ABCC4: variants seen among roughly 807,000 people sequenced by gnomAD.
ABCC4 encodes the protein ATP binding cassette subfamily C member 4 (PEL blood group), also known as ATP-binding cassette sub-family C member 4.
Under a neutral mutation model 168.5 loss-of-function variants are expected in ABCC4, and 102 were observed. The observed-to-expected ratio is 0.61, with a 90% confidence interval of 0.52 to 0.71. ABCC4 has a LOEUF of 0.71. ABCC4 is among the 30% of genes least tolerant of loss of function. ABCC4 has a pLI of 0.00. For missense variants in ABCC4, 1,402 were observed against 1,605.8 expected (o/e 0.87, Z 2.17); for synonymous variants, 617 against 590.7 (o/e 1.04, Z -0.65).
intron 1 of ABCC4, among the ~76,000 whole-genome samples, chr13:95,294,572 T>G (rs4773875): frequency 0.9 from 136,464 of 152,200 alleles, 61,662 homozygotes; most frequent in African/African-American, 0.98. Context: ...TGTGTTCCAG[T>G]CGTGGAAGCG....
chr13:95,161,318 C>CCAATAGA lies in ABCC4; in HGVS notation c.2325_2326insTCTATTG (p.Val776SerfsTer19). ...AGAGATCTTGCTATGCCAAAAAGAA[C>CCAATAGA]GGTAGCTACAGTTAAACCTGAAATA... On this transcript the variant is annotated frameshift_variant, in exon 19 of 31. Coordinates refer to ENST00000645237, the MANE Select transcript of ABCC4 (RefSeq NM_005845.5). LOFTEE classifies it high-confidence loss of function. 1 of 1,588,326 alleles carries CCAATAGA rather than the reference C, an allele frequency of 6.3e-7. No individual in the cohort carries two copies. The highest frequency in any genetic ancestry group is 8.5e-7 in the Non-Finnish European group (1 of 1,171,664).
chr13:95,263,030 G>T (rs945296585), intron 1 of ABCC4, among the ~76,000 whole-genome samples: 1 of 152,072 alleles, frequency 6.6e-6, no homozygotes, highest in African/African-American at 2.4e-5. Flanking sequence ...GGGGACTTTT[G>T]TGGGTGACTT....
At chr13:95,064,196 C>G (rs1017931718) in intron 25 of ABCC4, among the ~76,000 whole-genome samples, 2 of 146,440 alleles carry the variant, frequency 1.4e-5, no homozygotes, top group African/African-American at 5.2e-5. Flanking sequence ...ATGGTAAATC[C>G]TAGTTTATAC....
chr13:95,163,886 T>C (rs2037178971), intron 16 of ABCC4, among the ~76,000 whole-genome samples: 1 of 151,540 alleles, frequency 6.6e-6, no homozygotes, highest in Non-Finnish European at 1.5e-5. Flanking sequence ...ATACAAAAAT[T>C]AGCCTAGCTG....
Position 95,186,836 on chromosome 13 carries a change from G to C in ABCC4, c.1410C>G (p.Ser470Arg), listed in dbSNP as rs767443394. 10 of 1,613,964 alleles carry C rather than the reference G, an allele frequency of 6.2e-6. No individual in the cohort carries two copies. The highest frequency in any genetic ancestry group is 8.5e-6 in the Non-Finnish European group (10 of 1,179,962). Reference protein sequence around the residue: ...GELAPSHGLVSVHGRIAYVSQ... With the variant: ...GELAPSHGLVRVHGRIAYVSQ... Reference sequence around the variant, plus strand: ...ACACATAGGCAATTCTTCCATGCACGCTGACCAGCCCGTGACTTGGGGCCA... The same window carrying C: ...ACACATAGGCAATTCTTCCATGCACCCTGACCAGCCCGTGACTTGGGGCCA... The change falls in exon 11 of 31, where the codon AGC becomes AGG. Residue 470 changes from serine to arginine, a missense_variant. By Grantham distance (110) the Ser-to-Arg change is moderately radical. This residue lies in a region of ABCC4 where 1,007 missense variants were observed against 1,127.3 expected (regional missense o/e 0.89). Transcript: ENST00000645237.
At chr13:95,069,385 C>T (rs886203286) in intron 25 of ABCC4, among the ~76,000 whole-genome samples, 6 of 152,022 alleles carry the variant, frequency 3.9e-5, no homozygotes, top group South Asian at 2.1e-4. Flanking sequence ...ATCATGCCAT[C>T]GTGCTATCTT....
intron 1 of ABCC4, among the ~76,000 whole-genome samples, chr13:95,272,620 G>T (rs900822502): frequency 2.6e-5 from 4 of 152,100 alleles, no homozygotes; most frequent in African/African-American, 9.7e-5. Flanking sequence ...GGGCACGGTG[G>T]CTCACGCCTG....
In ABCC4 at chr13:95,209,109, T is replaced by C. The variant is rs61187480; in HGVS notation, c.785+325A>G. ...AGATGTATGCAGCTAGAATGGAGCC[T>C]ATGAAACATTTCAATTTATCATTAT... On this transcript the variant is annotated intron_variant, in intron 6 of 30. Coordinates refer to ENST00000645237, the MANE Select transcript of ABCC4 (RefSeq NM_005845.5). 3.0e-4 allele frequency among the ~76,000 whole-genome samples: 46 copies of C among 152,340 alleles called. 1 individual carries two copies. The East Asian group carries it at 8.7e-3, about 29-fold the overall frequency.
chr13:95,182,653 C>G (rs1409459005), intron 11 of ABCC4, among the ~76,000 whole-genome samples: 1 of 152,194 alleles, frequency 6.6e-6, no homozygotes, highest in Non-Finnish European at 1.5e-5. Flanking sequence ...CTTATCCTCA[C>G]AATAGCCTAT....
rs2037759662 is a variant in ABCC4 at position 95,177,846 on chromosome 13, A to C, written c.1641-53T>G. On this transcript the variant is annotated intron_variant, in intron 12 of 30. Coordinates refer to ENST00000645237, the MANE Select transcript of ABCC4 (RefSeq NM_005845.5). ...CTCACCCAGGAACATGACAACTTTC[A>C]ACAACTGGGATGTTCATTCAAATGC... The C allele has an allele frequency of 3.2e-6, 5 of 1,541,788 alleles. No individual in the cohort carries two copies. In the South Asian group the frequency reaches 4.6e-5, roughly 14 times the overall value.
chr13:95,085,418 C>T (rs1464904879), intron 20 of ABCC4, among the ~76,000 whole-genome samples: 5 of 152,086 alleles, frequency 3.3e-5, no homozygotes, highest in East Asian at 1.9e-4. Flanking sequence ...CCAGCCTGGA[C>T]GAGAAAGTGA....
At chr13:95,085,906 G>A (rs1337582737) in intron 20 of ABCC4, among the ~76,000 whole-genome samples, 6 of 152,188 alleles carry the variant, frequency 3.9e-5, no homozygotes. Context: ...CTGAGTCTCA[G>A]AGAGGTTCAG....
intron 4 of ABCC4, among the ~76,000 whole-genome samples, chr13:95,211,479 G>A (rs2038955083): frequency 6.6e-6 from 1 of 152,194 alleles, no homozygotes; most frequent in Non-Finnish European, 1.5e-5. Context: ...GAAGGGCACT[G>A]CAGGGGAGGC....
rs55933951 is a variant in ABCC4 at position 95,290,705 on chromosome 13, CAAAAAAAAAA to C, written c.74+10526_74+10535del. ...GGGCAACAAGAGCAAAACTCTGTCT[CAAAAAAAAAA>C]AAAAAAAAAAAAAAAAGAGGAAATC... On this transcript the variant is annotated intron_variant, in intron 1 of 30. Coordinates refer to ENST00000645237, the MANE Select transcript of ABCC4 (RefSeq NM_005845.5). 4.2e-3 allele frequency among the ~76,000 whole-genome samples: 238 copies of C among 56,038 alleles called. 1 individual carries two copies. Among genetic ancestry groups the C allele is most frequent in the African/African-American group, 0.014 (186 of 13,128 alleles). 36.8% of individuals were successfully genotyped at this position (56,038 alleles called of 152,430 possible).
chr13:95,287,383 T>A (rs1292332366), intron 1 of ABCC4, among the ~76,000 whole-genome samples: 1 of 151,828 alleles, frequency 6.6e-6, no homozygotes, highest in Non-Finnish European at 1.5e-5. Context: ...GGTCAGGAGT[T>A]CAAGACCAGC....
chr13:95,057,732 G>A (rs2033119087), intron 26 of ABCC4, among the ~76,000 whole-genome samples: 1 of 152,214 alleles, frequency 6.6e-6, no homozygotes, highest in African/African-American at 2.4e-5. Context: ...AGAGAACACA[G>A]AAACTCGTGC....
chr13:95,200,073 T>C (rs1318774697), intron 8 of ABCC4, among the ~76,000 whole-genome samples: 1 of 152,190 alleles, frequency 6.6e-6, no homozygotes, highest in Non-Finnish European at 1.5e-5. Context: ...CGTGGTTATT[T>C]ATTAACCCCC....
intron 19 of ABCC4, among the ~76,000 whole-genome samples, chr13:95,117,128 C>T (rs757757436): frequency 4.6e-5 from 7 of 152,074 alleles, no homozygotes; most frequent in Non-Finnish European, 8.8e-5. Flanking sequence ...TCTCAGGCTT[C>T]GGACACACAG....
chr13:95,228,908 A>T (rs572744251), intron 4 of ABCC4, among the ~76,000 whole-genome samples: 1 of 152,176 alleles, frequency 6.6e-6, no homozygotes, highest in South Asian at 2.1e-4. Flanking sequence ...AAGAAAAAAA[A>T]AGGAAATGGT....
Sources: gnomAD v4.1 joint callset for allele counts (sites outside exome capture counted in the v4.1 genomes callset) on GRCh38, gnomAD v4.1.1 for gene constraint, gnomAD v4.1.1 regional missense constraint, MANE v1.5 for transcripts, NCBI Gene and HGNC (gene_info 2026-07-23, HGNC 2026-07-21) for gene names.